The following NPC1 variants were observed in gnomAD, a reference collection of about 807,000 sequenced individuals.
The protein encoded by NPC1 is Niemann-Pick C1 protein.
A neutral mutation model predicts 140.4 loss-of-function variants in NPC1; 85 were observed. That is an observed-to-expected ratio of 0.61 (90% CI 0.51 to 0.72). The LOEUF is 0.72. NPC1 is among the 30% of genes least tolerant of loss of function. NPC1 has a pLI of 0.00. For missense variants in NPC1, 1,504 were observed against 1,623.8 expected, an observed-to-expected ratio of 0.93 and a Z score of 1.27; for synonymous variants, 656 against 624.8, an observed-to-expected ratio of 1.05 and a Z score of -0.74.
intron 10 of NPC1, among the ~76,000 whole-genome samples, chr18:23,549,903 G>A (rs775285522): frequency 6.7e-6 from 1 of 149,272 alleles, no homozygotes; most frequent in Admixed American, 6.6e-5. Flanking sequence ...CACCACGTGT[G>A]GCTAATTTTT....
chr18:23,552,612 C>T (rs1386275211), intron 9 of NPC1, among the ~76,000 whole-genome samples: 7 of 152,188 alleles, frequency 4.6e-5, no homozygotes, highest in Admixed American at 4.6e-4. Context: ...ATGGCGCAGG[C>T]AAGAGGCAAC....
downstream of NPC1, chr18:23,524,612 T>C: frequency 1.9e-6 from 1 of 524,892 alleles, no homozygotes; most frequent in Non-Finnish European, 3.0e-6. Flanking sequence ...GGGAATGGGA[T>C]TTTTTTTTTT....
chr18:23,568,447 G>C (rs1302038947), intron 4 of NPC1, among the ~76,000 whole-genome samples: 1 of 152,120 alleles, frequency 6.6e-6, no homozygotes, highest in Non-Finnish European at 1.5e-5. Context: ...ATTCTTGCAA[G>C]TCATGACCTC....
chr18:23,565,402 G>A (rs1437033373), intron 4 of NPC1, among the ~76,000 whole-genome samples: 1 of 152,160 alleles, frequency 6.6e-6, no homozygotes, highest in Non-Finnish European at 1.5e-5. Flanking sequence ...TGTCAGCCAG[G>A]CTGGAGTGCA....
chr18:23,543,440 T>A lies in NPC1; in HGVS notation c.2245+15A>T. The A allele has an allele frequency of 6.8e-7, 1 of 1,460,640 alleles. No homozygotes were observed. 90.5% of individuals were successfully genotyped at this position (1,460,640 alleles called of 1,614,324 possible). ...CAGCAGACTACAGGACTGGTAGGAT[T>A]GAAAGCATAATTACCTAAGAAAAAT... On this transcript the variant is annotated intron_variant, in intron 14 of 24. Transcript: ENST00000269228.
At chr18:23,541,279 T>C (rs188367940) in intron 15 of NPC1, 27 bp downstream of exon 15, 4 of 1,614,196 alleles carry the variant, frequency 2.5e-6, no homozygotes, top group East Asian at 2.2e-5. Flanking sequence ...TCAAATTAAA[T>C]AGACTATAAT....
intron 24 of NPC1, 67 bp from the exon 25 acceptor site, chr18:23,532,351 G>C: frequency 5.8e-6 from 9 of 1,564,244 alleles, no homozygotes; most frequent in Non-Finnish European, 7.9e-6. Context: ...GGGCATAGTG[G>C]CTCACGCCTG....
In NPC1 at chr18:23,554,940, A is replaced by C; in HGVS notation, c.1371T>G (p.Tyr457Ter). 6.2e-7 allele frequency: 1 copy of C among 1,614,086 alleles called. No homozygotes were observed. Among genetic ancestry groups the C allele is most frequent in the Non-Finnish European group, 8.5e-7 (1 of 1,179,926 alleles). The change falls in exon 9 of 25, where the codon TAT (tyrosine) becomes TAG (stop). Residue 457 changes from tyrosine to a stop codon, truncating the protein, a stop_gained. Transcript: ENST00000269228. LOFTEE classifies it high-confidence loss of function. ...QIAIENITASYDNETVTLQDI... is the reference protein window; with the variant it reads ...QIAIENITAS ...CTTGAAGTGTCACAGTCTCATTGTC[A>C]TAAGAGGCAGTAATGTTTTCGATGG...
intron 19 of NPC1, 167 bp from the exon 20 acceptor site, chr18:23,538,838 C>T: frequency 1.4e-6 from 1 of 710,046 alleles, no homozygotes; most frequent in South Asian, 1.7e-5. Flanking sequence ...AGCCACATGT[C>T]ACTTTCACAG....
At chr18:23,533,067 CCTG>C (rs1238843590) in intron 24 of NPC1, 1 of 686,478 alleles carries the variant, frequency 1.5e-6, no homozygotes, top group Admixed American at 4.0e-5. Context: ...AGCTGCCCTG[CCTG>C]CTGACACTCA....
chr18:23,581,659 T>C (rs2059356942), intron 1 of NPC1, among the ~76,000 whole-genome samples: 1 of 152,100 alleles, frequency 6.6e-6, no homozygotes, highest in Non-Finnish European at 1.5e-5. Flanking sequence ...CCCTGCAAAT[T>C]TTTTTAAGAG....
chr18:23,529,129 C>T (rs746061366), downstream of NPC1: 1 of 1,589,626 alleles, frequency 6.3e-7, no homozygotes, highest in East Asian at 2.2e-5. Flanking sequence ...GTAAACAGCA[C>T]CCTTCCTCTA....
At chr18:23,514,389 C>A (rs769412810) in intron 3 of NPC1, among the ~76,000 whole-genome samples, 1 of 152,056 alleles carries the variant, frequency 6.6e-6, no homozygotes, top group African/African-American at 2.4e-5. Context: ...TCTACTGTCT[C>A]AAAATAAAAA....
At chr18:23,510,254 G>A (rs908683754) in intron 3 of NPC1, among the ~76,000 whole-genome samples, 1 of 151,676 alleles carries the variant, frequency 6.6e-6, no homozygotes, top group Non-Finnish European at 1.5e-5. Context: ...AGCCTGGGAG[G>A]CAGGAGGTTG....
intron 4 of NPC1, among the ~76,000 whole-genome samples, chr18:23,566,980 T>C (rs962839551): frequency 6.6e-6 from 1 of 152,236 alleles, no homozygotes; most frequent in African/African-American, 2.4e-5. Context: ...TTAAGGTTCA[T>C]CCATGTACTT....
In NPC1 at chr18:23,538,628, T is replaced by A. The variant is rs780043192; in HGVS notation, c.2955A>T (p.Glu985Asp). ...ACVRCRPLTP[E>D]GKQRPQGGDF... is the part of the protein sequence containing the mutation. ...CTCCCCCCTGAGGCCTCTGTTTGCC[T>A]TCCGGAGTCAGAGGCCTGCAGCGAA... The change falls in exon 20 of 25, where the codon GAA becomes GAT. Residue 985 changes from glutamate to aspartate, a missense_variant. By Grantham distance (45) the Glu-to-Asp change is conservative. Transcript: ENST00000269228. 2 of 1,614,154 alleles carry A rather than the reference T, an allele frequency of 1.2e-6. No individual in the cohort carries two copies. The highest frequency in any genetic ancestry group is 2.2e-5 in the South Asian group (2 of 91,088).
At position 23,531,475 on chromosome 18, in the gene NPC1, A is replaced by G; in HGVS notation, c.*727T>C. 1 of 1,427,544 alleles carries G rather than the reference A, an allele frequency of 7.0e-7. No individual in the cohort carries two copies. The highest frequency in any genetic ancestry group is 9.2e-7 in the Non-Finnish European group (1 of 1,091,380). 88.4% of individuals were successfully genotyped at this position (1,427,544 alleles called of 1,614,324 possible). On this transcript the variant is annotated 3_prime_UTR_variant, in exon 25 of 25. Transcript: ENST00000269228. The stretch of plus-strand genomic sequence containing the variant: ...ATTTAGCTTTTGTATTTGTCTCTCA[A>G]AGCAGATAGGGTAACCCCAAAACTT...
chr18:23,580,248 G>T (rs2059341598), intron 1 of NPC1, among the ~76,000 whole-genome samples: 1 of 152,042 alleles, frequency 6.6e-6, no homozygotes, highest in Non-Finnish European at 1.5e-5. Context: ...ACATGATTTT[G>T]AACACCAAGT....
intron 1 of NPC1, among the ~76,000 whole-genome samples, chr18:23,582,313 TAA>T (rs2059366367): frequency 6.6e-6 from 1 of 152,208 alleles, no homozygotes; most frequent in African/African-American, 2.4e-5. Flanking sequence ...GTTGGTTTTT[TAA>T]AAGTTTTGCT....
Sources: allele counts gnomAD v4.1 joint callset (sites outside exome capture counted in the v4.1 genomes callset), GRCh38; gene constraint gnomAD v4.1.1; transcripts MANE v1.5; gene names NCBI Gene and HGNC (gene_info 2026-07-23, HGNC 2026-07-21).